The following MTHFD2L variants were observed in gnomAD, a reference collection of about 807,000 sequenced individuals.
MTHFD2L encodes the protein bifunctional methylenetetrahydrofolate dehydrogenase/cyclohydrolase 2, mitochondrial.
In MTHFD2L, 29 loss-of-function variants were observed where a neutral mutation model predicts 34.9. The observed-to-expected ratio is 0.83, with a 90% confidence interval of 0.62 to 1.13. The LOEUF is 1.13. Among genes scored for constraint, MTHFD2L ranks in the 50% most tolerant of loss-of-function variants. MTHFD2L has a pLI of 0.00. For synonymous variants in MTHFD2L, 167 were observed against 155.7 expected, an observed-to-expected ratio of 1.07 and a Z score of -0.54; for missense variants, 481 against 446.5, an observed-to-expected ratio of 1.08 and a Z score of -0.70.
At chr4:74,160,761 A>G (rs1725261670) in intron 1 of MTHFD2L, 1 of 152,332 alleles carries the variant, frequency 6.6e-6, no homozygotes, top group African/African-American at 2.4e-5. Flanking sequence ...TCCTGGGTTA[A>G]AAGGCATCAC....
At chr4:74,137,154 G>A (rs1210798413) in intron 1 of MTHFD2L, among the ~76,000 whole-genome samples, 1 of 152,012 alleles carries the variant, frequency 6.6e-6, no homozygotes, top group African/African-American at 2.4e-5. Flanking sequence ...AATAGCAAAG[G>A]AAACAATCAA....
intron 5 of MTHFD2L, among the ~76,000 whole-genome samples, chr4:74,205,521 G>A (rs965925586): frequency 2.6e-5 from 4 of 152,166 alleles, no homozygotes; most frequent in African/African-American, 4.8e-5. Context: ...TGATTAATAT[G>A]TGTCTACCTA....
rs372561973 is a variant in MTHFD2L at position 74,272,114 on chromosome 4, G to A, written c.806-9311G>A. 5.9e-5 allele frequency among the ~76,000 whole-genome samples: 9 copies of A among 152,116 alleles called. No individual in the cohort carries two copies. The East Asian group carries it at 1.2e-3, about 20-fold the overall frequency. On this transcript the variant is annotated intron_variant, in intron 6 of 7. Coordinates refer to ENST00000325278, the MANE Select transcript of MTHFD2L (RefSeq NM_001144978.3). ...ACAAAGGTATTGGTAAGTCTACGTC[G>A]CTATCGAAACTAGCTATGAATAGGG...
chr4:74,212,470 GCAGATT>G, intron 5 of MTHFD2L, among the ~76,000 whole-genome samples: 1 of 152,240 alleles, frequency 6.6e-6, no homozygotes, highest in Middle Eastern at 3.4e-3. Context: ...TCATTCAGGA[GCAGATT>G]GTTCAGTTTT....
At chr4:74,276,405 T>C (rs779003810) in intron 6 of MTHFD2L, among the ~76,000 whole-genome samples, 1 of 152,120 alleles carries the variant, frequency 6.6e-6, no homozygotes, top group Admixed American at 6.6e-5. Flanking sequence ...TCACATATAA[T>C]GCTTGAGCCC....
intron 4 of MTHFD2L, among the ~76,000 whole-genome samples, chr4:74,200,343 A>C (rs915018636): frequency 1.3e-5 from 2 of 151,230 alleles, no homozygotes; most frequent in South Asian, 4.2e-4. Context: ...AAACAAACAG[A>C]AAAAAAAATC....
chr4:74,184,698 C>G (rs1000291514), intron 3 of MTHFD2L, among the ~76,000 whole-genome samples: 4 of 152,056 alleles, frequency 2.6e-5, no homozygotes, highest in African/African-American at 9.7e-5. Flanking sequence ...TACTCTCCCC[C>G]AAATGGCAGA....
rs141086511 is a variant in MTHFD2L, at chr4:74,159,244, A to G, written c.143+963A>G. 5.9e-4 allele frequency among the ~76,000 whole-genome samples: 90 copies of G among 152,310 alleles called. No homozygotes were observed. In the East Asian group the frequency reaches 0.017, roughly 28 times the overall value. ...TCCTATAGGATTTGCTTTGGACATA[A>G]TTTCTTGTGACTAGGTCTTCCACAA... On this transcript the variant is annotated intron_variant, in intron 1 of 7. Coordinates refer to ENST00000325278, the MANE Select transcript of MTHFD2L (RefSeq NM_001144978.3).
intron 6 of MTHFD2L, among the ~76,000 whole-genome samples, chr4:74,263,755 G>T (rs1004208243): frequency 2.0e-5 from 3 of 151,802 alleles, no homozygotes; most frequent in African/African-American, 7.2e-5. Context: ...TCTAAATATA[G>T]GATCATGTCA....
intron 2 of MTHFD2L, 33 bp from the exon 3 acceptor site, chr4:74,175,248 T>G (rs375851953): frequency 1.2e-6 from 2 of 1,603,886 alleles, no homozygotes; most frequent in Non-Finnish European, 1.7e-6. Flanking sequence ...ATTCAGTTAG[T>G]CAAGTGACCT....
At chr4:74,223,131 C>T (rs906285381) in intron 5 of MTHFD2L, among the ~76,000 whole-genome samples, 9 of 151,888 alleles carry the variant, frequency 5.9e-5, no homozygotes, top group African/African-American at 9.7e-5. Flanking sequence ...CACATGCAAA[C>T]GTTCATTGCA....
chr4:74,253,865 G>A (rs996510771), intron 6 of MTHFD2L, among the ~76,000 whole-genome samples: 5 of 152,160 alleles, frequency 3.3e-5, no homozygotes, highest in African/African-American at 1.2e-4. Flanking sequence ...CCACCAGCCT[G>A]GCTCCATGGA....
intron 1 of MTHFD2L, among the ~76,000 whole-genome samples, chr4:74,130,562 C>T (rs1214158473): frequency 2.0e-5 from 3 of 152,104 alleles, no homozygotes; most frequent in Non-Finnish European, 4.4e-5. Context: ...ACTCTCAATA[C>T]ACTAGGTCTT....
At chr4:74,130,618 A>G (rs1284674258) in intron 1 of MTHFD2L, among the ~76,000 whole-genome samples, 2 of 152,140 alleles carry the variant, frequency 1.3e-5, no homozygotes, top group African/African-American at 2.4e-5. Context: ...TGACAAACCC[A>G]CAGCCAATAT....
At chr4:74,231,362 C>A in intron 6 of MTHFD2L, among the ~76,000 whole-genome samples, 1 of 152,036 alleles carries the variant, frequency 6.6e-6, no homozygotes, top group East Asian at 1.9e-4. Context: ...TGGAGAAGTT[C>A]CAAGGGGTGG....
chr4:74,132,881 A>G (rs1220140496), intron 1 of MTHFD2L, among the ~76,000 whole-genome samples: 3 of 152,176 alleles, frequency 2.0e-5, no homozygotes, highest in Non-Finnish European at 4.4e-5. Flanking sequence ...ATTTGTCTTT[A>G]TAAGCTTCTT....
intron 6 of MTHFD2L, among the ~76,000 whole-genome samples, chr4:74,266,417 G>C (rs1287995304): frequency 6.6e-6 from 1 of 152,070 alleles, no homozygotes; most frequent in African/African-American, 2.4e-5. Context: ...AGTGTCTAAG[G>C]CATCTGCTTT....
chr4:74,165,040 A>G (rs1726365359), intron 1 of MTHFD2L: 2 of 982,304 alleles, frequency 2.0e-6, no homozygotes, highest in Admixed American at 6.1e-5. Flanking sequence ...CAAGGTCACT[A>G]TGTAATTTTT....
chr4:74,284,638 G>T (rs1458867139), intron 7 of MTHFD2L, among the ~76,000 whole-genome samples: 1 of 151,654 alleles, frequency 6.6e-6, no homozygotes, highest in Non-Finnish European at 1.5e-5. Flanking sequence ...TACATTGCCT[G>T]TTCACTCTGA....
Sources: allele counts gnomAD v4.1 joint callset (sites outside exome capture counted in the v4.1 genomes callset), GRCh38; gene constraint gnomAD v4.1.1; transcripts MANE v1.5; gene names NCBI Gene and HGNC (gene_info 2026-07-23, HGNC 2026-07-21).